The following DCTN4 variants were observed in gnomAD, a reference collection of about 807,000 sequenced individuals.
DCTN4 encodes the protein dynactin subunit 4, also known as dynactin 4 (p62).
DCTN4 carries 23 observed loss-of-function variants against 62.7 expected under a neutral mutation model. The observed-to-expected ratio is 0.37, with a 90% CI of 0.26 to 0.52. The LOEUF is 0.52. DCTN4 is among the 20% of genes least tolerant of loss of function. The probability of loss-of-function intolerance (pLI) is 0.92; values close to 1 mark genes in which losing one functional copy is unlikely to be tolerated. For missense variants in DCTN4, 514 were observed against 580.4 expected (o/e 0.89, Z 1.18); for synonymous variants, 199 against 202.1 (o/e 0.98, Z 0.13).
chr5:150,754,312 C>T (rs750284801), intron 2 of DCTN4, among the ~76,000 whole-genome samples: 10 of 152,144 alleles, frequency 6.6e-5, no homozygotes, highest in Non-Finnish European at 1.3e-4. Context: ...TATAATATAA[C>T]TTGCATTATC....
chr5:150,756,421 T>G lies in DCTN4; in HGVS notation c.202A>C (p.Asn68His). Residue 68 changes from asparagine to histidine, a missense_variant, in exon 2 of 13, where the codon AAT becomes CAT. Asn to His is a moderately conservative substitution (Grantham distance 68, BLOSUM62 1). Transcript: ENST00000447998. ...MPSAEAKLKK[N>H]RCANCFDCPG... ...AAAAATCAGTCCAGGTCTTACCTAT[T>G]CTTTTTTAGTTTGGCTTCAGCCGAT... 6.3e-7 allele frequency: 1 copy of G among 1,597,568 alleles called. No individual in the cohort carries two copies. Among genetic ancestry groups the G allele is most frequent in the Non-Finnish European group, 8.5e-7 (1 of 1,172,670 alleles).
chr5:150,730,013 G>A (rs1311843377), intron 8 of DCTN4, among the ~76,000 whole-genome samples: 6 of 152,198 alleles, frequency 3.9e-5, no homozygotes, highest in Admixed American at 2.0e-4. Flanking sequence ...AGCCACTAGC[G>A]ACATGTGGTT....
chr5:150,711,942 C>T (rs1273985273), intron 12 of DCTN4, among the ~76,000 whole-genome samples: 3 of 152,106 alleles, frequency 2.0e-5, no homozygotes, highest in Non-Finnish European at 2.9e-5. Flanking sequence ...CTGGTATATA[C>T]AGATCATCTA....
rs28823587 is a variant in DCTN4 at position 150,746,704 on chromosome 5, T to C, written c.386-4547A>G. Reference sequence around the variant, plus strand: ...GACAAAAACCACATGATTATCTCAATAGATGCAGAAAAGGCCTTTGACAAA... The same window carrying C: ...GACAAAAACCACATGATTATCTCAACAGATGCAGAAAAGGCCTTTGACAAA... On this transcript the variant is annotated intron_variant, in intron 3 of 12. Transcript: ENST00000447998. 2.5e-3 allele frequency among the ~76,000 whole-genome samples: 374 copies of C among 152,306 alleles called. 2 individuals are homozygous for C. Among genetic ancestry groups the C allele is most frequent in the African/African-American group, 8.5e-3 (354 of 41,570 alleles).
chr5:150,719,356 T>A (rs906227576), intron 10 of DCTN4, among the ~76,000 whole-genome samples: 1 of 152,132 alleles, frequency 6.6e-6, no homozygotes. Flanking sequence ...AGGGCTGTGG[T>A]ATATAAATCT....
chr5:150,744,081 A>T (rs534714911), intron 3 of DCTN4, among the ~76,000 whole-genome samples: 27 of 152,350 alleles, frequency 1.8e-4, no homozygotes, highest in Non-Finnish European at 3.1e-4. Flanking sequence ...TAACCAATAC[A>T]GAGAAGTGCT....
chr5:150,715,856 G>A (rs534146296), intron 11 of DCTN4, among the ~76,000 whole-genome samples, 194 bp from the exon 12 acceptor site: 9 of 152,182 alleles, frequency 5.9e-5, no homozygotes, highest in Non-Finnish European at 1.3e-4. Context: ...TCTGCAATGA[G>A]GAACTGGGGA....
At chr5:150,738,962 G>A (rs998738706) in intron 4 of DCTN4, among the ~76,000 whole-genome samples, 2 of 152,122 alleles carry the variant, frequency 1.3e-5, no homozygotes, top group South Asian at 2.1e-4. Flanking sequence ...GGGAGGCCGA[G>A]GTGGACAGAT....
chr5:150,716,470 T>C (rs1201028380), intron 11 of DCTN4, among the ~76,000 whole-genome samples: 1 of 152,196 alleles, frequency 6.6e-6, no homozygotes, highest in Non-Finnish European at 1.5e-5. Context: ...CTTTGCTCTA[T>C]CAGAGGTTAA....
In DCTN4 at chr5:150,715,606, G is replaced by A. The variant is rs200339298; in HGVS notation, c.1128C>T (p.Tyr376=). 1.4e-5 allele frequency: 22 copies of A among 1,613,992 alleles called. No homozygotes were observed. Among genetic ancestry groups the A allele is most frequent in the Admixed American group, 3.3e-5 (2 of 60,002 alleles). ...AGTCTTGAGGTTCTGCCAACTCATCGTACTCTGCTGCTGCATCCTTGCCAG... is the reference window on the plus strand; with the variant it reads ...AGTCTTGAGGTTCTGCCAACTCATCATACTCTGCTGCTGCATCCTTGCCAG... ...VLAGKDAAAE[Y]DELAEPQDFQ... Residue 376 remains tyrosine, a synonymous_variant, in exon 12 of 13, where the codon TAC becomes TAT. Coordinates refer to ENST00000447998, the MANE Select transcript of DCTN4 (RefSeq NM_016221.4).
rs762124472 is a variant in DCTN4, at chr5:150,729,042, C to CCTTTTTTTTTTTTT, written c.834+1588_834+1589insAAAAAAAAAAAAAG. Among the ~76,000 whole-genome samples, 29 of 52,148 alleles carry CCTTTTTTTTTTTTT rather than the reference C, an allele frequency of 5.6e-4. 6 individuals carry two copies. Among genetic ancestry groups the CCTTTTTTTTTTTTT allele is most frequent in the African/African-American group, 1.6e-3 (21 of 13,134 alleles). 34.2% of individuals were successfully genotyped at this position (52,148 alleles called of 152,430 possible). ...ACAAGTGTGTGAACCACCACACTGGCTTTTTTTTTTTTTTTTTTTTTTTTT... is the reference window on the plus strand; with the variant it reads ...ACAAGTGTGTGAACCACCACACTGGCCTTTTTTTTTTTTTTTTTTTTTTTTTTTTTTTTTTTTTT... On this transcript the variant is annotated intron_variant, in intron 8 of 12. Transcript: ENST00000447998.
chr5:150,753,154 C>T (rs1325719589), intron 3 of DCTN4, among the ~76,000 whole-genome samples: 6 of 152,190 alleles, frequency 3.9e-5, no homozygotes, highest in South Asian at 4.1e-4. Context: ...CGTGAGCCAC[C>T]GTGCCCGGCC....
At position 150,719,918 on chromosome 5, in the gene DCTN4, G is replaced by A. The variant is rs376024312; in HGVS notation, c.909-148C>T. ...AATTTTAATGAACCATATCATCACA[G>A]TAAGAACTTAAGAAAAGACATAAGA... On this transcript the variant is annotated intron_variant, in intron 9 of 12. Transcript: ENST00000447998. 2.9e-5 allele frequency: 17 copies of A among 583,156 alleles called. No individual in the cohort carries two copies. The African/African-American group carries it at 3.1e-4, about 11-fold the overall frequency. 36.1% of individuals were successfully genotyped at this position (583,156 alleles called of 1,614,324 possible). A position where few individuals can be genotyped will look rare whatever the true frequency, so the allele number is the denominator to read the frequency against.
intron 4 of DCTN4, among the ~76,000 whole-genome samples, chr5:150,737,841 T>G (rs1760635087): frequency 6.6e-6 from 1 of 152,010 alleles, no homozygotes; most frequent in South Asian, 2.1e-4. Context: ...GCTGGCTCTT[T>G]GAAAAGATAA....
intron 11 of DCTN4, among the ~76,000 whole-genome samples, chr5:150,716,876 G>A (rs761286628): frequency 6.6e-5 from 10 of 151,050 alleles, no homozygotes; most frequent in East Asian, 2.0e-4. Flanking sequence ...CCGAGACTGC[G>A]CCACTGCACT....
intron 12 of DCTN4, among the ~76,000 whole-genome samples, chr5:150,714,308 G>C (rs1274458164): frequency 6.6e-6 from 1 of 152,124 alleles, no homozygotes; most frequent in African/African-American, 2.4e-5. Context: ...TCTGGAGGAG[G>C]AAGGGTCTTG....
chr5:150,747,011 A>G (rs1466402166), intron 3 of DCTN4, among the ~76,000 whole-genome samples: 1 of 152,164 alleles, frequency 6.6e-6, no homozygotes, highest in Non-Finnish European at 1.5e-5. Flanking sequence ...CCCTGTTTGC[A>G]GATGACATGA....
intron 1 of DCTN4, chr5:150,758,444 A>C (rs1449089409): frequency 1.5e-5 from 15 of 991,864 alleles, no homozygotes; most frequent in Non-Finnish European, 1.6e-5. Flanking sequence ...GAGGAACAGA[A>C]CTTTCAGGAT....
At chr5:150,754,620 A>C (rs1453635095) in intron 2 of DCTN4, among the ~76,000 whole-genome samples, 2 of 152,210 alleles carry the variant, frequency 1.3e-5, no homozygotes, top group African/African-American at 4.8e-5. Context: ...ACTATTCTCC[A>C]ATAAAGTGAA....
Sources: gnomAD v4.1 joint callset for allele counts (sites outside exome capture counted in the v4.1 genomes callset) on GRCh38, gnomAD v4.1.1 for gene constraint, MANE v1.5 for transcripts, NCBI Gene and HGNC (gene_info 2026-07-23, HGNC 2026-07-21) for gene names.